XPC: variants seen among roughly 807,000 people sequenced by gnomAD.
XPC encodes XPC complex subunit, DNA damage recognition and repair factor.
XPC carries 76 observed loss-of-function variants against 95.8 expected under a neutral mutation model. That is an observed-to-expected ratio of 0.79 (90% CI 0.66 to 0.96). The LOEUF is 0.96. Ranked by LOEUF, XPC falls within the 40% of genes least tolerant of loss-of-function variation. The pLI, the probability that XPC is intolerant of heterozygous loss-of-function variation, is 0.00. For synonymous variants in XPC, 442 were observed against 442.1 expected, an observed-to-expected ratio of 1.00 and a Z score of 0.00; for missense variants, 1,146 against 1,179.8, an observed-to-expected ratio of 0.97 and a Z score of 0.42.
chr3:14,152,387 T>C lies in XPC; in HGVS notation c.2063A>G (p.Asp688Gly), dbSNP rs766608725. 3 of 1,613,188 alleles carry C rather than the reference T, an allele frequency of 1.9e-6. No individual in the cohort carries two copies. The highest frequency in any genetic ancestry group is 1.7e-6 in the Non-Finnish European group (2 of 1,179,576). ...RDCVHTLHSR[D>G]TWLKKARVVR... ...CACTCTTGCTTTCTTCAGCCACGTG[T>C]CCCTGGAATGCAGAGTGTGCACACA... Residue 688 changes from aspartate to glycine, a missense_variant, in exon 11 of 16, where the codon GAC becomes GGC. Transcript: ENST00000285021.
intron 3 of XPC, 130 bp from the exon 4 acceptor site, chr3:14,168,510 A>T: frequency 9.0e-7 from 1 of 1,112,596 alleles, no homozygotes. Flanking sequence ...GCCCACAGAG[A>T]CCCCTAGACA....
chr3:14,170,787 A>G (rs1696580636), intron 2 of XPC, among the ~76,000 whole-genome samples: 1 of 152,248 alleles, frequency 6.6e-6, no homozygotes, highest in Non-Finnish European at 1.5e-5. Flanking sequence ...AAAACCTACA[A>G]TCTAGATCGT....
At position 14,164,883 on chromosome 3, in the gene XPC, T is replaced by C. The variant is rs375592814; in HGVS notation, c.830A>G (p.Asp277Gly). The change falls in exon 7 of 16, where the codon GAT (aspartate) becomes GGT (glycine). Residue 277 changes from aspartate to glycine, a missense_variant. By Grantham distance (94) the Asp-to-Gly change is moderately conservative. Coordinates refer to ENST00000285021, the MANE Select transcript of XPC (RefSeq NM_004628.5). Reference sequence around the variant, plus strand: ...CCTTTCCAATGTAGTCTGCAGGTTATCTTGTTCACTGGCTGAAAGTTCTGC... The same window carrying C: ...CCTTTCCAATGTAGTCTGCAGGTTACCTTGTTCACTGGCTGAAAGTTCTGC... ...VNAELSASEQ[D>G]NLQTTLERRF... 2.5e-6 allele frequency: 4 copies of C among 1,612,732 alleles called. No individual in the cohort carries two copies. In the African/African-American group the frequency reaches 5.3e-5, roughly 22 times the overall value.
At chr3:14,171,512 G>GC (rs1696611650) in intron 2 of XPC, among the ~76,000 whole-genome samples, 1 of 152,132 alleles carries the variant, frequency 6.6e-6, no homozygotes, top group Admixed American at 6.5e-5. Context: ...GTGAGGGGAG[G>GC]CAACTGGAAA....
In XPC at chr3:14,165,556, G is replaced by A. The variant is rs771944789; in HGVS notation, c.651C>T (p.Gly217=). The change falls in exon 6 of 16, where the codon GGC becomes GGT. Residue 217 remains glycine, a synonymous_variant. Coordinates refer to ENST00000285021, the MANE Select transcript of XPC (RefSeq NM_004628.5). ...KVHLLCLLAN[G]FYRNNICSQP... Reference sequence around the variant, plus strand: ...GGCTGCAGATGTTATTTCGATAGAAGCCATTTGCTAGCAGGCAGAGAAGGT... The same window carrying A: ...GGCTGCAGATGTTATTTCGATAGAAACCATTTGCTAGCAGGCAGAGAAGGT... 9.9e-6 allele frequency: 16 copies of A among 1,613,204 alleles called. No individual in the cohort carries two copies. The South Asian group carries it at 1.8e-4, about 18-fold the overall frequency.
In XPC at chr3:14,176,189, G is replaced by C. The variant is rs181015478; in HGVS notation, c.103+2277C>G. 4.3e-4 allele frequency among the ~76,000 whole-genome samples: 65 copies of C among 152,308 alleles called. 1 individual carries two copies. Among genetic ancestry groups the C allele is most frequent in the Admixed American group, 2.0e-3 (30 of 15,308 alleles). On this transcript the variant is annotated intron_variant, in intron 1 of 15. Coordinates refer to ENST00000285021, the MANE Select transcript of XPC (RefSeq NM_004628.5). Reference sequence around the variant, plus strand: ...ATTGAAGCTCTACCAAGCTGGAACCGAGGTGAAGTGTTGAGCTGGGAAGAA... The same window carrying C: ...ATTGAAGCTCTACCAAGCTGGAACCCAGGTGAAGTGTTGAGCTGGGAAGAA...
chr3:14,147,253 CCT>C, intron 15 of XPC, 35 bp downstream of exon 15: 1 of 1,578,974 alleles, frequency 6.3e-7, no homozygotes, highest in Non-Finnish European at 8.6e-7. Flanking sequence ...AGAAACTGAC[CCT>C]GAGCTTGTCT....
At position 14,172,934 on chromosome 3, in the gene XPC, C is replaced by A. The variant is rs746533585; in HGVS notation, c.232G>T (p.Val78Leu). 5 of 1,614,018 alleles carry A rather than the reference C, an allele frequency of 3.1e-6. No individual in the cohort carries two copies. In the South Asian group the frequency reaches 5.5e-5, roughly 18 times the overall value. Residue 78 changes from valine to leucine, a missense_variant, in exon 2 of 16, where the codon GTG becomes TTG. Coordinates refer to ENST00000285021, the MANE Select transcript of XPC (RefSeq NM_004628.5). Reference sequence around the variant, plus strand: ...TTGAGGTTTTCAGATTTAACAGTCACCTTGGCCACTTTCTTTTTTGCTGGA... The same window carrying A: ...TTGAGGTTTTCAGATTTAACAGTCAACTTGGCCACTTTCTTTTTTGCTGGA... The part of the protein sequence containing the change: ...DGPAKKKVAK[V>L]TVKSENLKVI...
Position 14,145,230 on chromosome 3 carries a change from G to C in XPC, c.*711C>G, listed in dbSNP as rs1386009523. The C allele has an allele frequency of 1.6e-6, 1 of 636,344 alleles. No homozygotes were observed. Among genetic ancestry groups the C allele is most frequent in the Non-Finnish European group, 2.8e-6 (1 of 352,796 alleles). 39.4% of individuals were successfully genotyped at this position (636,344 alleles called of 1,614,324 possible). On this transcript the variant is annotated 3_prime_UTR_variant, in exon 16 of 16. Coordinates refer to ENST00000285021, the MANE Select transcript of XPC (RefSeq NM_004628.5). The stretch of plus-strand genomic sequence containing the variant: ...CAGAGAGCTTTATACATTTTATCTA[G>C]TAATGAATACAATCTAGTTTAACAC...
chr3:14,153,219 T>C (rs1220349791), intron 10 of XPC: 1 of 152,268 alleles, frequency 6.6e-6, no homozygotes, highest in Non-Finnish European at 1.5e-5. Flanking sequence ...GCACAATGGA[T>C]GGAGGTTGAA....
At chr3:14,146,811 C>T (rs1478180283) in intron 15 of XPC, among the ~76,000 whole-genome samples, 1 of 152,204 alleles carries the variant, frequency 6.6e-6, no homozygotes, top group Non-Finnish European at 1.5e-5. Context: ...GCCTAGGGTC[C>T]ATCTGCCCCA....
At chr3:14,166,308 A>T (rs1696376550) in intron 5 of XPC, among the ~76,000 whole-genome samples, 1 of 151,108 alleles carries the variant, frequency 6.6e-6, no homozygotes, top group Admixed American at 6.6e-5. Context: ...CACCTCCAGC[A>T]CCCAACAAGA....
chr3:14,162,054 A>G (rs1465978091), intron 7 of XPC, among the ~76,000 whole-genome samples: 2 of 152,224 alleles, frequency 1.3e-5, no homozygotes, highest in Non-Finnish European at 2.9e-5. Flanking sequence ...TATTTCCAAG[A>G]GCATCAAGAA....
intron 15 of XPC, 81 bp from the exon 16 acceptor site, chr3:14,146,240 T>C: frequency 7.7e-7 from 1 of 1,306,294 alleles, no homozygotes; most frequent in East Asian, 2.5e-5. Flanking sequence ...AGGCAGCAAG[T>C]TCCCAGCCTG....
chr3:14,165,034 G>GCC (rs2125036091), intron 6 of XPC, 101 bp from the exon 7 acceptor site: 1 of 1,463,726 alleles, frequency 6.8e-7, no homozygotes, highest in Non-Finnish European at 9.1e-7. Flanking sequence ...CGTGAGACCC[G>GCC]CCTGCCTCTG....
In XPC at chr3:14,148,702, G is replaced by A; in HGVS notation, c.2280C>T (p.Tyr760=). 6.2e-7 allele frequency: 1 copy of A among 1,614,064 alleles called. No individual in the cohort carries two copies. Among genetic ancestry groups the A allele is most frequent in the Non-Finnish European group, 8.5e-7 (1 of 1,179,906 alleles). ...TAGGCATCATGCTGGGCAGGAAGAG[G>A]TACACATTCCCAAACTCGTTCCGGG... ...KVPRNEFGNV[Y]LFLPSMMPIG... The change falls in exon 13 of 16, where the codon TAC becomes TAT. Residue 760 remains tyrosine, a synonymous_variant. Coordinates refer to ENST00000285021, the MANE Select transcript of XPC (RefSeq NM_004628.5).
chr3:14,146,197 G>A (rs751482532), intron 15 of XPC, 38 bp from the exon 16 acceptor site: 16 of 1,560,250 alleles, frequency 1.0e-5, no homozygotes, highest in Non-Finnish European at 1.3e-5. Context: ...ACAGGCGAGG[G>A]TTAGTAATCA....
In XPC at chr3:14,146,131, G is replaced by C. The variant is rs183167499; in HGVS notation, c.2633C>G (p.Ala878Gly). The C allele has an allele frequency of 4.6e-5, 74 of 1,610,580 alleles. No individual in the cohort carries two copies. The East Asian group carries it at 9.8e-4, about 21-fold the overall frequency. Residue 878 changes from alanine to glycine, a missense_variant, in exon 16 of 16, where the codon GCA (alanine) becomes GGA (glycine). Coordinates refer to ENST00000285021, the MANE Select transcript of XPC (RefSeq NM_004628.5). ...TTCATCAGAAGAGAGTCCACCTCCTGCATCTGTGTGGGGAGCTGCTGCCTC... is the reference window on the plus strand; with the variant it reads ...TTCATCAGAAGAGAGTCCACCTCCTCCATCTGTGTGGGGAGCTGCTGCCTC... The part of the protein sequence containing the change: ...KSEAAAPHTD[A>G]GGGLSSDEEE...
chr3:14,173,684 A>G (rs1696701777), intron 1 of XPC, among the ~76,000 whole-genome samples: 1 of 152,214 alleles, frequency 6.6e-6, no homozygotes, highest in Non-Finnish European at 1.5e-5. Context: ...AAAGGGAAAT[A>G]AAAAATGCAT....
Sources: gnomAD v4.1 joint callset for allele counts (sites outside exome capture counted in the v4.1 genomes callset) on GRCh38, gnomAD v4.1.1 for gene constraint, MANE v1.5 for transcripts, NCBI Gene and HGNC (gene_info 2026-07-23, HGNC 2026-07-21) for gene names.